ARHGEF11: variants seen among roughly 807,000 people sequenced by gnomAD.
The protein encoded by ARHGEF11 is Rho guanine exchange factor (GEF) 11.
Under a neutral mutation model 193.7 loss-of-function variants are expected in ARHGEF11, and 55 were observed. That is an observed-to-expected ratio of 0.28 (90% CI 0.23 to 0.36). The LOEUF (loss-of-function observed/expected upper bound fraction) is 0.36, where lower values mean the gene tolerates loss of function less well. ARHGEF11 is among the 10% of genes least tolerant of loss of function. ARHGEF11 has a pLI of 1.00. For missense variants in ARHGEF11, 1,723 were observed against 2,005.6 expected (o/e 0.86, Z 2.69); for synonymous variants, 693 against 768.0 (o/e 0.90, Z 1.62).
Position 156,937,237 on chromosome 1 carries a change from T to C in ARHGEF11, c.4440+12A>G. The C allele has an allele frequency of 3.1e-6, 5 of 1,608,578 alleles. No individual in the cohort carries two copies. Among genetic ancestry groups the C allele is most frequent in the South Asian group, 1.1e-5 (1 of 91,028 alleles). On this transcript the variant is annotated intron_variant, in intron 39 of 40. Coordinates refer to ENST00000368194, the MANE Select transcript of ARHGEF11 (RefSeq NM_198236.3). Reference sequence around the variant, plus strand: ...TGAAGGCCTGCAGGGACCCAAGCCCTGCTTCCCTCACCTTGAGCCTGTTGA... The same window carrying C: ...TGAAGGCCTGCAGGGACCCAAGCCCCGCTTCCCTCACCTTGAGCCTGTTGA...
chr1:156,936,038 C>G lies in ARHGEF11; in HGVS notation c.4651G>C (p.Asp1551His), dbSNP rs1228225519. Residue 1551 changes from aspartate to histidine, a missense_variant, in exon 41 of 41, where the codon GAC (aspartate) becomes CAC (histidine). Asp to His is a moderately conservative substitution (Grantham distance 81). Around this residue, in one of 5 missense-constraint regions of ARHGEF11, gnomAD observed 360 missense variants for 344.4 expected, o/e 1.05. Transcript: ENST00000368194. ...GACGCGGCTGCGTCTGCTGTGCTGT[C>G]TTCCAGGGGGGCGTCAGAGCCTGTG... ...PEDGSDAPLE[D>H]STADAAASPG... 11 of 1,613,968 alleles carry G rather than the reference C, an allele frequency of 6.8e-6. No individual in the cohort carries two copies. The highest frequency in any genetic ancestry group is 9.3e-6 in the Non-Finnish European group (11 of 1,179,910).
chr1:156,983,339 A>G (rs1050731382), intron 3 of ARHGEF11, among the ~76,000 whole-genome samples: 3 of 152,104 alleles, frequency 2.0e-5, no homozygotes, highest in Non-Finnish European at 4.4e-5. Context: ...CTCCTGCCTC[A>G]GCCTCCCGAG....
intron 1 of ARHGEF11, among the ~76,000 whole-genome samples, chr1:157,033,792 T>C (rs1312866647): frequency 6.6e-6 from 1 of 152,206 alleles, no homozygotes; most frequent in East Asian, 1.9e-4. Flanking sequence ...TGCCTAGACT[T>C]TCCCTTACTC....
In ARHGEF11 at chr1:156,961,558, C is replaced by G. The variant is rs1660854458; in HGVS notation, c.1239+119G>C. The G allele has an allele frequency of 7.3e-6, 6 of 824,838 alleles. No individual in the cohort carries two copies. The Admixed American group carries it at 1.3e-4, about 18-fold the overall frequency. The allele number at this position is 824,838 out of a possible 1,614,324, so 51.1% of individuals were successfully genotyped here. ...GAATCCAGGAATATTAATCTCTCAG[C>G]CTAGATTTCTCTTTAAGAACCTGTC... On this transcript the variant is annotated intron_variant, in intron 14 of 40. Transcript: ENST00000368194.
At chr1:156,984,288 G>A (rs1429693004) in intron 3 of ARHGEF11, 51 bp downstream of exon 3, 2 of 1,413,118 alleles carry the variant, frequency 1.4e-6, no homozygotes, top group South Asian at 1.2e-5. Flanking sequence ...TCACATACAT[G>A]GTGGCTTTGC....
intron 1 of ARHGEF11, among the ~76,000 whole-genome samples, chr1:157,026,930 G>A (rs1488893566): frequency 6.6e-6 from 1 of 152,226 alleles, no homozygotes; most frequent in Non-Finnish European, 1.5e-5. Flanking sequence ...AGTGCAGCAT[G>A]GACCAGAGTT....
At chr1:156,954,037 A>G (rs775100193) in intron 21 of ARHGEF11, among the ~76,000 whole-genome samples, 2 of 152,222 alleles carry the variant, frequency 1.3e-5, no homozygotes, top group African/African-American at 4.8e-5. Context: ...CATAAAAAAT[A>G]AAATCACCTT....
chr1:157,023,222 T>C (rs1320328432), intron 1 of ARHGEF11, among the ~76,000 whole-genome samples: 6 of 152,190 alleles, frequency 3.9e-5, no homozygotes. Context: ...GGAGAAATTA[T>C]TTGCCAATCA....
At chr1:157,004,823 AC>A (rs894290600) in intron 1 of ARHGEF11, among the ~76,000 whole-genome samples, 1 of 152,062 alleles carries the variant, frequency 6.6e-6, no homozygotes. Context: ...CCTGGGTGAG[AC>A]CCCCCAAACG....
At chr1:156,987,923 A>G (rs537278143) in intron 1 of ARHGEF11, among the ~76,000 whole-genome samples, 26 of 152,326 alleles carry the variant, frequency 1.7e-4, no homozygotes, top group African/African-American at 6.3e-4. Flanking sequence ...CAGGGGAGGC[A>G]CCTGGCCACA....
At chr1:156,968,926 T>C (rs1324154263) in intron 10 of ARHGEF11, among the ~76,000 whole-genome samples, 1 of 152,270 alleles carries the variant, frequency 6.6e-6, no homozygotes, top group Non-Finnish European at 1.5e-5. Context: ...GACGATGTTA[T>C]TCCTGGACAG....
intron 19 of ARHGEF11, 74 bp from the exon 20 acceptor site, chr1:156,955,873 C>A (rs1659871706): frequency 8.6e-7 from 1 of 1,164,404 alleles, no homozygotes; most frequent in Admixed American, 1.7e-5. Context: ...AATTCTGCCA[C>A]TGTCCCCCAA....
intron 19 of ARHGEF11, 50 bp from the exon 20 acceptor site, chr1:156,955,849 C>A: frequency 7.0e-7 from 1 of 1,424,816 alleles, no homozygotes; most frequent in Non-Finnish European, 9.9e-7. Context: ...GATACCCAGG[C>A]GTGGCTGCTA....
rs144603493 is a variant in ARHGEF11, at chr1:156,948,803, T to C, written c.1926-305A>G. ...TCTGGGGCTAACAGACTCTGAGTTGTAGTGTGTCCAGAGGCCTGAGACACC... is the reference window on the plus strand; with the variant it reads ...TCTGGGGCTAACAGACTCTGAGTTGCAGTGTGTCCAGAGGCCTGAGACACC... On this transcript the variant is annotated intron_variant, in intron 22 of 40. Transcript: ENST00000368194. This position sits in a 1 kb window ranked among gnomAD's most constrained non-coding sequence, Gnocchi z 4.2. 1 of 985,432 alleles carries C rather than the reference T, an allele frequency of 1.0e-6. No homozygotes were observed. The highest frequency in any genetic ancestry group is 1.7e-5 in the African/African-American group (1 of 57,352). 61.0% of individuals were successfully genotyped at this position (985,432 alleles called of 1,614,324 possible).
rs200423815 is a variant in ARHGEF11, at chr1:156,951,548, G to A, written c.1925+25C>T. 117 of 1,612,782 alleles carry A rather than the reference G, an allele frequency of 7.3e-5. 1 individual carries two copies. The Admixed American group carries it at 1.8e-3, about 25-fold the overall frequency. On this transcript the variant is annotated intron_variant, in intron 22 of 40. Coordinates refer to ENST00000368194, the MANE Select transcript of ARHGEF11 (RefSeq NM_198236.3). ...CCATGACCCACTCTTCGAGCAGCTG[G>A]CGAGTCCCATCCAGCCAGTGCTACC...
In ARHGEF11 at chr1:156,962,833, C is replaced by T. The variant is rs534091700; in HGVS notation, c.1140+370G>A. Among the ~76,000 whole-genome samples the T allele has an allele frequency of 1.5e-3, 215 of 139,042 alleles. 1 individual carries two copies. Among genetic ancestry groups the T allele is most frequent in the African/African-American group, 5.5e-3 (204 of 37,182 alleles). The allele number at this position is 139,042 out of a possible 152,430, so 91.2% of individuals were successfully genotyped here. A position where few individuals can be genotyped will look rare whatever the true frequency, so the allele number is the denominator to read the frequency against. On this transcript the variant is annotated intron_variant, in intron 13 of 40. Transcript: ENST00000368194. ...GGCGGAGCTTGCAGTGAGCTGAGAT[C>T]GCGCCACTGCACTCCAGCCTCGGCG...
rs1399846304 is a variant in ARHGEF11, at chr1:156,961,706, T to C, written c.1210A>G (p.Ile404Val). 1 of 1,614,070 alleles carries C rather than the reference T, an allele frequency of 6.2e-7. No homozygotes were observed. Among genetic ancestry groups the C allele is most frequent in the African/African-American group, 1.3e-5 (1 of 74,918 alleles). Residue 404 changes from isoleucine to valine, a missense_variant, in exon 14 of 41, where the codon ATC (isoleucine) becomes GTC (valine). Ile to Val is a conservative substitution (Grantham distance 29). Around this residue, in one of 5 missense-constraint regions of ARHGEF11, gnomAD observed 646 missense variants for 710.7 expected, o/e 0.91. Coordinates refer to ENST00000368194, the MANE Select transcript of ARHGEF11 (RefSeq NM_198236.3). ...PKDSRSLGKD[I>V]WNIFLEKNAP... ...TTTTTCTCCAGGAAAATATTCCAGA[T>C]GTCTTTCCCCAAGCTTCGGGAATCC...
At chr1:156,983,580 C>T (rs977041918) in intron 3 of ARHGEF11, among the ~76,000 whole-genome samples, 1 of 152,208 alleles carries the variant, frequency 6.6e-6, no homozygotes, top group Non-Finnish European at 1.5e-5. Context: ...GTTCCACTAC[C>T]TGGCATATGC....
In ARHGEF11 at chr1:156,941,882, T is replaced by C. The variant is rs1657057162; in HGVS notation, c.3434A>G (p.Gln1145Arg). 1.2e-6 allele frequency: 2 copies of C among 1,611,686 alleles called. No individual in the cohort carries two copies. Among genetic ancestry groups the C allele is most frequent in the South Asian group, 1.1e-5 (1 of 90,702 alleles). The change falls in exon 34 of 41, where the codon CAG becomes CGG. Residue 1145 changes from glutamine (Q) to arginine (R), a missense_variant. This residue lies in a region of ARHGEF11 where 203 missense variants were observed against 237.3 expected (regional missense o/e 0.86). Transcript: ENST00000368194. Reference protein sequence around the residue: ...PPPGPREPAQQGPTPSRVELD... With the variant: ...PPPGPREPAQRGPTPSRVELD... ...ACTGCACCTGCTGGGTGTGGGGCCCTGCTGGGCTGGCTCCCGGGGACCTGG... is the reference window on the plus strand; with the variant it reads ...ACTGCACCTGCTGGGTGTGGGGCCCCGCTGGGCTGGCTCCCGGGGACCTGG...
Sources: gnomAD v4.1 joint callset for allele counts (sites outside exome capture counted in the v4.1 genomes callset) on GRCh38, gnomAD v4.1.1 for gene constraint, gnomAD v4.1.1 regional missense constraint, Gnocchi (gnomAD v3.1) non-coding constraint, MANE v1.5 for transcripts, NCBI Gene and HGNC (gene_info 2026-07-23, HGNC 2026-07-21) for gene names.